The following RALGAPA1 variants were observed in gnomAD, a reference collection of about 807,000 sequenced individuals.
RALGAPA1 encodes the protein ral GTPase-activating protein subunit alpha-1.
A neutral mutation model predicts 269.6 loss-of-function variants in RALGAPA1; 52 were observed. The ratio of observed to expected loss-of-function variants is 0.19; its 90% CI spans 0.15 to 0.24. RALGAPA1 has a LOEUF of 0.24. Among genes scored for constraint, RALGAPA1 ranks in the 10% least tolerant of loss-of-function variants. RALGAPA1 has a pLI of 1.00. For synonymous variants in RALGAPA1, 817 were observed against 1,008.3 expected (o/e 0.81, Z 3.60); for missense variants, 1,917 against 3,013.9 (o/e 0.64, Z 8.52).
chr14:35,655,218 A>T (rs114712566), intron 29 of RALGAPA1, among the ~76,000 whole-genome samples: 1,630 of 152,258 alleles, frequency 0.011, 33 homozygotes, highest in African/African-American at 0.037. Flanking sequence ...TTATTTAAAA[A>T]TATTTATTAG....
chr14:35,674,415 G>A (rs2064765776), intron 23 of RALGAPA1, 101 bp downstream of exon 23: 1 of 1,264,166 alleles, frequency 7.9e-7, no homozygotes, highest in East Asian at 2.5e-5. Context: ...CAGGGTACCA[G>A]TTTATAGTCA....
chr14:35,790,222 C>G (rs1351004818), intron 1 of RALGAPA1, among the ~76,000 whole-genome samples: 1 of 151,984 alleles, frequency 6.6e-6, no homozygotes, highest in African/African-American at 2.4e-5. Flanking sequence ...CACTGCACTC[C>G]AGCCTGGACG....
intron 16 of RALGAPA1, among the ~76,000 whole-genome samples, chr14:35,705,104 A>G (rs928669988): frequency 6.6e-6 from 1 of 152,082 alleles, no homozygotes; most frequent in African/African-American, 2.4e-5. Context: ...CAGTTTCCCC[A>G]ATTATTAACA....
At chr14:35,740,466 A>T (rs992363458) in intron 11 of RALGAPA1, among the ~76,000 whole-genome samples, 5 of 152,226 alleles carry the variant, frequency 3.3e-5, no homozygotes. Context: ...ACTGTCTTGT[A>T]TTCTGTATGT....
chr14:35,612,113 C>T (rs2059969719), intron 35 of RALGAPA1, among the ~76,000 whole-genome samples: 1 of 152,056 alleles, frequency 6.6e-6, no homozygotes, highest in Admixed American at 6.6e-5. Flanking sequence ...ATGGCTCATG[C>T]CTGTAATCCC....
intron 31 of RALGAPA1, among the ~76,000 whole-genome samples, chr14:35,643,558 A>G (rs2062176836): frequency 1.3e-5 from 2 of 152,224 alleles, no homozygotes; most frequent in Non-Finnish European, 1.5e-5. Context: ...AAAGGAAATC[A>G]GCATATCTAA....
At chr14:35,686,461 T>C in intron 19 of RALGAPA1, 81 bp downstream of exon 19, 1 of 1,019,192 alleles carries the variant, frequency 9.8e-7, no homozygotes, top group Non-Finnish European at 1.3e-6. Context: ...CATATATAAA[T>C]TGACATATAT....
At chr14:35,678,167 T>A in intron 21 of RALGAPA1, 65 bp from the exon 22 acceptor site, 1 of 1,458,946 alleles carries the variant, frequency 6.9e-7, no homozygotes, top group Non-Finnish European at 9.2e-7. Context: ...GATGTAATGC[T>A]TAACACCCTA....
At chr14:35,648,048 G>A (rs573150710) in intron 31 of RALGAPA1, among the ~76,000 whole-genome samples, 3 of 151,858 alleles carry the variant, frequency 2.0e-5, no homozygotes, top group South Asian at 2.1e-4. Context: ...GAGGTCGGGC[G>A]GGTGGATCAC....
chr14:35,788,194 A>G (rs1301043584), intron 1 of RALGAPA1, among the ~76,000 whole-genome samples: 1 of 150,996 alleles, frequency 6.6e-6, no homozygotes, highest in East Asian at 2.0e-4. Context: ...CCTGGTCTCA[A>G]ACTCCTGACC....
intron 31 of RALGAPA1, among the ~76,000 whole-genome samples, chr14:35,639,800 G>A (rs1320994782): frequency 2.0e-5 from 3 of 152,062 alleles, no homozygotes; most frequent in East Asian, 1.9e-4. Context: ...TTAGTCGGGC[G>A]TGGTGGCGGG....
chr14:35,732,534 G>A (rs866527912), intron 12 of RALGAPA1, among the ~76,000 whole-genome samples: 2 of 151,976 alleles, frequency 1.3e-5, no homozygotes, highest in Non-Finnish European at 2.9e-5. Context: ...AGAAGGACTC[G>A]CATAAGTAAA....
At chr14:35,645,250 C>T (rs2139901279) in intron 31 of RALGAPA1, among the ~76,000 whole-genome samples, 1 of 152,154 alleles carries the variant, frequency 6.6e-6, no homozygotes, top group Admixed American at 6.5e-5. Context: ...CTCTCAAAGG[C>T]CCCACCTCCA....
intron 5 of RALGAPA1, among the ~76,000 whole-genome samples, chr14:35,762,250 TTTTTTG>T (rs886934515): frequency 2.0e-5 from 3 of 152,070 alleles, no homozygotes; most frequent in East Asian, 1.9e-4. Flanking sequence ...GCTACGTTTT[TTTTTTG>T]TTTTTGTTTT....
intron 17 of RALGAPA1, among the ~76,000 whole-genome samples, 178 bp from the exon 18 acceptor site, chr14:35,690,181 T>C (rs1238889779): frequency 6.6e-6 from 1 of 152,040 alleles, no homozygotes; most frequent in Non-Finnish European, 1.5e-5. Flanking sequence ...CACAAGCCAA[T>C]ATAGCATGTA....
At chr14:35,785,906 A>G (rs1259404171) in intron 1 of RALGAPA1, among the ~76,000 whole-genome samples, 1 of 152,184 alleles carries the variant, frequency 6.6e-6, no homozygotes, top group Non-Finnish European at 1.5e-5. Context: ...GGCCAGGCAC[A>G]GTGGCTTATG....
At chr14:35,563,629 G>A (rs1175045746) in intron 39 of RALGAPA1, among the ~76,000 whole-genome samples, 2 of 152,114 alleles carry the variant, frequency 1.3e-5, no homozygotes, top group African/African-American at 4.8e-5. Context: ...GTATACAGAT[G>A]TTTCTTGACT....
intron 22 of RALGAPA1, chr14:35,677,377 G>C (rs2065038169): frequency 6.5e-6 from 1 of 153,478 alleles, no homozygotes; most frequent in East Asian, 1.9e-4. Context: ...TCTGATGTTT[G>C]TTACATTATA....
At chr14:35,773,836 A>C (rs1432763890) in intron 3 of RALGAPA1, among the ~76,000 whole-genome samples, 1 of 152,060 alleles carries the variant, frequency 6.6e-6, no homozygotes, top group Non-Finnish European at 1.5e-5. Flanking sequence ...CCCTTAACTA[A>C]ATCAACAGCT....
Sources: gnomAD v4.1 joint callset for allele counts (sites outside exome capture counted in the v4.1 genomes callset) on GRCh38, gnomAD v4.1.1 for gene constraint, MANE v1.5 for transcripts, NCBI Gene and HGNC (gene_info 2026-07-23, HGNC 2026-07-21) for gene names.